RANBP9: variants seen among roughly 807,000 people sequenced by gnomAD.
The protein encoded by RANBP9 is RAN binding protein 9.
Under a neutral mutation model 84.3 loss-of-function variants are expected in RANBP9, and 15 were observed. That is an observed-to-expected ratio of 0.18 (90% CI 0.12 to 0.27). The LOEUF (loss-of-function observed/expected upper bound fraction) is 0.27, where lower values mean the gene tolerates loss of function less well. RANBP9 is among the 10% of genes least tolerant of loss of function. The pLI is 1.00. For synonymous variants in RANBP9, 392 were observed against 349.6 expected (o/e 1.12, Z -1.35); for missense variants, 809 against 912.8 (o/e 0.89, Z 1.46).
intron 1 of RANBP9, among the ~76,000 whole-genome samples, chr6:13,702,093 T>C (rs1376579647): frequency 6.6e-6 from 1 of 152,236 alleles, no homozygotes; most frequent in Non-Finnish European, 1.5e-5. Flanking sequence ...CCGTGCTACA[T>C]ATAAATCATT....
chr6:13,704,541 G>A (rs932327285), intron 1 of RANBP9, among the ~76,000 whole-genome samples: 1 of 151,980 alleles, frequency 6.6e-6, no homozygotes, highest in African/African-American at 2.4e-5. Context: ...TGAGGTGGGA[G>A]GATCACTTGA....
At chr6:13,627,332 A>C (rs1584907390) in intron 12 of RANBP9, among the ~76,000 whole-genome samples, 1 of 152,110 alleles carries the variant, frequency 6.6e-6, no homozygotes, top group Non-Finnish European at 1.5e-5. Flanking sequence ...CAAATCAAAC[A>C]CATTATTTTG....
chr6:13,685,985 C>T (rs1274967158), intron 2 of RANBP9, among the ~76,000 whole-genome samples: 3 of 150,978 alleles, frequency 2.0e-5, no homozygotes, highest in Non-Finnish European at 4.4e-5. Context: ...ATATAAAATC[C>T]GAAAGAAACG....
Position 13,641,314 on chromosome 6 carries a change from A to G in RANBP9, c.1226-7T>C, listed in dbSNP as rs371825295. ...AATACCAATTTCTGAATTCCTATTCAGTAAAAGAAAGCAAACGATTAACTT... is the reference window on the plus strand; with the variant it reads ...AATACCAATTTCTGAATTCCTATTCGGTAAAAGAAAGCAAACGATTAACTT... On this transcript the variant is annotated splice_region_variant and splice_polypyrimidine_tract_variant and intron_variant, in intron 7 of 13. Coordinates refer to ENST00000011619, the MANE Select transcript of RANBP9 (RefSeq NM_005493.3). 8.1e-5 allele frequency: 125 copies of G among 1,535,586 alleles called. No homozygotes were observed. The highest frequency in any genetic ancestry group is 1.1e-4 in the Non-Finnish European group (120 of 1,121,970).
chr6:13,665,410 G>A (rs963087242), intron 2 of RANBP9, among the ~76,000 whole-genome samples: 2 of 152,084 alleles, frequency 1.3e-5, no homozygotes, highest in Non-Finnish European at 2.9e-5. Context: ...TCAGTCATCA[G>A]GAAAATGCAA....
intron 5 of RANBP9, 114 bp from the exon 6 acceptor site, chr6:13,644,843 C>A: frequency 1.1e-6 from 1 of 898,420 alleles, no homozygotes; most frequent in South Asian, 2.9e-5. Flanking sequence ...ATTTTAAAAT[C>A]CCAATCAAAA....
chr6:13,638,540 T>A (rs1764990918), intron 9 of RANBP9, among the ~76,000 whole-genome samples: 1 of 151,768 alleles, frequency 6.6e-6, no homozygotes, highest in South Asian at 2.1e-4. Flanking sequence ...GCATCAGAAA[T>A]AAATCTGTGG....
At chr6:13,679,995 C>G (rs552042622) in intron 2 of RANBP9, among the ~76,000 whole-genome samples, 1 of 151,962 alleles carries the variant, frequency 6.6e-6, no homozygotes, top group South Asian at 2.1e-4. Context: ...GAAATAAAGA[C>G]AAGCTAATTG....
intron 5 of RANBP9, among the ~76,000 whole-genome samples, chr6:13,651,395 T>G (rs945084510): frequency 1.2e-5 from 1 of 81,142 alleles, no homozygotes; most frequent in Non-Finnish European, 2.3e-5. Flanking sequence ...TGTTGTTTTG[T>G]TTTTTTGTTT....
chr6:13,711,151 G>C lies in RANBP9; in HGVS notation c.355C>G (p.Pro119Ala). The change falls in exon 1 of 14, where the codon CCG (proline) becomes GCG (alanine). Residue 119 changes from proline to alanine, a missense_variant. By Grantham distance (27) the Pro-to-Ala change is conservative (BLOSUM62 -1). Around this residue, in one of 5 missense-constraint regions of RANBP9, gnomAD observed 302 missense variants for 240.1 expected, o/e 1.26. Coordinates refer to ENST00000011619, the MANE Select transcript of RANBP9 (RefSeq NM_005493.3). ...AAGPGPAGGA[P>A]TPALVAGSSA... ...CTGCCCGCCACCAGAGCTGGGGTCGGGGCTCCTCCAGCCGGGCCGGGGCCC... is the reference window on the plus strand; with the variant it reads ...CTGCCCGCCACCAGAGCTGGGGTCGCGGCTCCTCCAGCCGGGCCGGGGCCC... 1 of 1,507,636 alleles carries C rather than the reference G, an allele frequency of 6.6e-7. No individual in the cohort carries two copies. Among genetic ancestry groups the C allele is most frequent in the Non-Finnish European group, 8.8e-7 (1 of 1,130,020 alleles). 93.4% of individuals were successfully genotyped at this position (1,507,636 alleles called of 1,614,324 possible).
chr6:13,655,384 T>C (rs6459000), intron 4 of RANBP9, among the ~76,000 whole-genome samples: 61,387 of 152,002 alleles, frequency 0.4, 12,894 homozygotes, highest in Admixed American at 0.51. Flanking sequence ...GAAGGAGAAT[T>C]GCTTGAAACT....
intron 2 of RANBP9, among the ~76,000 whole-genome samples, chr6:13,669,948 T>G (rs1186589895): frequency 2.9e-5 from 4 of 140,064 alleles, no homozygotes; most frequent in Admixed American, 7.7e-5. Flanking sequence ...AAAGAACTGG[T>G]TTTTTTTTTT....
intron 1 of RANBP9, among the ~76,000 whole-genome samples, chr6:13,704,363 C>G (rs1042790233): frequency 6.6e-6 from 1 of 152,186 alleles, no homozygotes; most frequent in African/African-American, 2.4e-5. Flanking sequence ...TACAGTGGCT[C>G]CTGCCTGTAA....
At chr6:13,669,516 T>C (rs1473832863) in intron 2 of RANBP9, among the ~76,000 whole-genome samples, 1 of 152,224 alleles carries the variant, frequency 6.6e-6, no homozygotes, top group Non-Finnish European at 1.5e-5. Context: ...TGTTGCTGGC[T>C]TAAAAACAGA....
chr6:13,705,717 G>A lies in RANBP9; in HGVS notation c.571+5218C>T, dbSNP rs145581738. The stretch of plus-strand genomic sequence containing the variant: ...TCTATTAAAAATACAAAAGAAATTA[G>A]CCAGGCGTGGTGGCAGGCGCATGTA... On this transcript the variant is annotated intron_variant, in intron 1 of 13. Coordinates refer to ENST00000011619, the MANE Select transcript of RANBP9 (RefSeq NM_005493.3). Among the ~76,000 whole-genome samples, 671 of 151,760 alleles carry A rather than the reference G, an allele frequency of 4.4e-3. 4 individuals are homozygous for A. Among genetic ancestry groups the A allele is most frequent in the African/African-American group, 0.014 (597 of 41,364 alleles).
chr6:13,690,434 G>A (rs1766296864), intron 2 of RANBP9, among the ~76,000 whole-genome samples: 1 of 152,082 alleles, frequency 6.6e-6, no homozygotes, highest in Non-Finnish European at 1.5e-5. Flanking sequence ...AAGCTAGACA[G>A]GAAGAAAGAC....
At chr6:13,697,620 A>G (rs1757871471) in intron 1 of RANBP9, among the ~76,000 whole-genome samples, 2 of 152,212 alleles carry the variant, frequency 1.3e-5, no homozygotes, top group Admixed American at 1.3e-4. Context: ...CTAATCCCAC[A>G]GGGTTTGCTA....
intron 7 of RANBP9, 98 bp downstream of exon 7, chr6:13,642,381 G>A (rs1012412101): frequency 4.0e-6 from 2 of 501,338 alleles, no homozygotes; most frequent in African/African-American, 4.0e-5. Flanking sequence ...TAATATATTT[G>A]AAATTTTTTT....
At chr6:13,624,308 C>G (rs991035617) in intron 13 of RANBP9, among the ~76,000 whole-genome samples, 2 of 152,112 alleles carry the variant, frequency 1.3e-5, no homozygotes, top group African/African-American at 4.8e-5. Flanking sequence ...TGTAAGAGTC[C>G]TGGCCCTCAT....
Sources: gnomAD v4.1 joint callset for allele counts (sites outside exome capture counted in the v4.1 genomes callset) on GRCh38, gnomAD v4.1.1 for gene constraint, gnomAD v4.1.1 regional missense constraint, MANE v1.5 for transcripts, NCBI Gene and HGNC (gene_info 2026-07-23, HGNC 2026-07-21) for gene names.